The following FAM133B variants were observed in gnomAD, a reference collection of about 807,000 sequenced individuals.
The protein encoded by FAM133B is protein FAM133B.
In FAM133B, 25 loss-of-function variants were observed where a neutral mutation model predicts 46.4. That is an observed-to-expected ratio of 0.54 (90% CI 0.39 to 0.75). The LOEUF (loss-of-function observed/expected upper bound fraction) is 0.75. Among genes scored for constraint, FAM133B ranks in the 30% least tolerant of loss-of-function variants. FAM133B has a pLI of 0.00. For synonymous variants in FAM133B, 75 were observed against 86.0 expected (o/e 0.87, Z 0.71); for missense variants, 205 against 277.6 (o/e 0.74, Z 1.86).
chr7:92,575,807 C>CT lies in FAM133B; in HGVS notation c.479dup (p.Lys161GlufsTer9). 3 of 1,323,906 alleles carry CT rather than the reference C, an allele frequency of 2.3e-6. No individual in the cohort carries two copies. The highest frequency in any genetic ancestry group is 3.6e-5 in the Admixed American group (2 of 56,058). The allele number at this position is 1,323,906 out of a possible 1,614,324, so 82.0% of individuals were successfully genotyped here. On this transcript the variant is annotated frameshift_variant, in exon 8 of 11. Coordinates refer to ENST00000445716, the MANE Select transcript of FAM133B (RefSeq NM_152789.4). LOFTEE classifies it high-confidence loss of function. ...CAGTTCCATCTTTTGACTTCTTTTT[C>CT]TTTTTTAAACTATCCTAAACAAAGA...
At chr7:92,588,639 C>T (rs958978616) in intron 1 of FAM133B, among the ~76,000 whole-genome samples, 1 of 152,132 alleles carries the variant, frequency 6.6e-6, no homozygotes, top group African/African-American at 2.4e-5. Context: ...TCTGTGTCCC[C>T]GCCCAAATCT....
intron 1 of FAM133B, among the ~76,000 whole-genome samples, chr7:92,586,805 T>C (rs1795048880): frequency 6.6e-6 from 1 of 152,232 alleles, no homozygotes. Flanking sequence ...ACATCTATTT[T>C]AGAGGTCCCA....
At chr7:92,571,892 T>C (rs1794542667) in intron 8 of FAM133B, among the ~76,000 whole-genome samples, 2 of 152,218 alleles carry the variant, frequency 1.3e-5, no homozygotes, top group African/African-American at 4.8e-5. Flanking sequence ...AATAGACTTG[T>C]ATAGTTTTCT....
intron 8 of FAM133B, among the ~76,000 whole-genome samples, chr7:92,572,694 G>C (rs1278563535): frequency 8.5e-5 from 13 of 152,150 alleles, no homozygotes; most frequent in Admixed American, 8.5e-4. Flanking sequence ...ACTCCAGCCT[G>C]GGCAACAGAG....
intron 1 of FAM133B, among the ~76,000 whole-genome samples, chr7:92,583,124 A>G (rs1376464125): frequency 2.0e-5 from 3 of 152,262 alleles, no homozygotes; most frequent in Non-Finnish European, 4.4e-5. Flanking sequence ...GTATATACAT[A>G]CAATGGAATA....
intron 8 of FAM133B, among the ~76,000 whole-genome samples, chr7:92,573,163 CTT>C (rs376920507): frequency 1.9e-4 from 22 of 118,334 alleles, no homozygotes; most frequent in Admixed American, 2.6e-4. Context: ...AGTTTGGGGA[CTT>C]TTTTTTTTTT....
At chr7:92,565,028 T>A (rs546898271) in intron 10 of FAM133B, among the ~76,000 whole-genome samples, 12 of 152,340 alleles carry the variant, frequency 7.9e-5, no homozygotes, top group Admixed American at 7.8e-4. Flanking sequence ...TTTCTGTTAT[T>A]ACCAGATTTG....
Position 92,590,305 on chromosome 7 carries a change from G to A in FAM133B, c.-14C>T, listed in dbSNP as rs768950555. The A allele has an allele frequency of 2.5e-6, 4 of 1,613,804 alleles. No individual in the cohort carries two copies. Among genetic ancestry groups the A allele is most frequent in the East Asian group, 2.2e-5 (1 of 44,850 alleles). On this transcript the variant is annotated 5_prime_UTR_variant, in exon 1 of 11. Transcript: ENST00000445716. ...CCGCTTCCCCATGGTGCTGGATCGA[G>A]CGCACAGTAGCACGCCGAGGGAAAC...
At chr7:92,575,590 A>C (rs1343814099) in intron 8 of FAM133B, among the ~76,000 whole-genome samples, 181 bp downstream of exon 8, 1 of 152,252 alleles carries the variant, frequency 6.6e-6, no homozygotes, top group African/African-American at 2.4e-5. Flanking sequence ...TTGGCCTAGA[A>C]TACTCTTTTG....
intron 1 of FAM133B, among the ~76,000 whole-genome samples, chr7:92,583,811 G>A (rs957354423): frequency 6.6e-6 from 1 of 151,898 alleles, no homozygotes; most frequent in Non-Finnish European, 1.5e-5. Context: ...CACTTTGGGA[G>A]GCTGGGGCGG....
At chr7:92,589,863 G>A (rs977130825) in intron 1 of FAM133B, 2 of 199,762 alleles carry the variant, frequency 1.0e-5, no homozygotes, top group East Asian at 2.5e-4. Context: ...TGCGGACCTG[G>A]GGCGGCCGAT....
intron 1 of FAM133B, among the ~76,000 whole-genome samples, chr7:92,588,633 T>C (rs1439933343): frequency 6.6e-6 from 1 of 152,220 alleles, no homozygotes; most frequent in Admixed American, 6.5e-5. Flanking sequence ...TTTGGATCTG[T>C]GTCCCCGCCC....
At chr7:92,570,884 C>A (rs1054071153) in intron 8 of FAM133B, among the ~76,000 whole-genome samples, 4 of 152,104 alleles carry the variant, frequency 2.6e-5, no homozygotes, top group African/African-American at 9.7e-5. Flanking sequence ...AGAAATTAAA[C>A]ACCATTAAGA....
Position 92,575,798 on chromosome 7 carries a change from C to T in FAM133B, c.489G>A (p.Lys163=). The T allele has an allele frequency of 1.5e-6, 2 of 1,370,030 alleles. No individual in the cohort carries two copies. The highest frequency in any genetic ancestry group is 1.8e-4 in the Middle Eastern group (1 of 5,456). The allele number at this position is 1,370,030 out of a possible 1,614,324, so 84.9% of individuals were successfully genotyped here. Residue 163 remains lysine (K), a synonymous_variant, in exon 8 of 11, where the codon AAG becomes AAA. Coordinates refer to ENST00000445716, the MANE Select transcript of FAM133B (RefSeq NM_152789.4). ...TTTCTTTCTCAGTTCCATCTTTTGA[C>T]TTCTTTTTCTTTTTTAAACTATCCT... ...DSKDSLKKKK[K]SKDGTEKEKD... is the part of the protein sequence containing the mutation.
At chr7:92,568,775 G>C (rs1305253729) in intron 9 of FAM133B, among the ~76,000 whole-genome samples, 8 of 152,092 alleles carry the variant, frequency 5.3e-5, no homozygotes, top group African/African-American at 1.7e-4. Flanking sequence ...ACCTGGGCTA[G>C]AGTGCAGTGG....
At chr7:92,565,977 T>C in intron 10 of FAM133B, 37 bp downstream of exon 10, 4 of 1,603,978 alleles carry the variant, frequency 2.5e-6, no homozygotes, top group Non-Finnish European at 3.4e-6. Flanking sequence ...CCAAAACACC[T>C]ATTCTATTGT....
chr7:92,562,427 C>G, intron 10 of FAM133B, 59 bp from the exon 11 acceptor site: 1 of 1,500,128 alleles, frequency 6.7e-7, no homozygotes, highest in Non-Finnish European at 8.8e-7. Context: ...TTAAAAGCAT[C>G]TTTACCATGC....
At chr7:92,589,037 A>G (rs1795115204) in intron 1 of FAM133B, among the ~76,000 whole-genome samples, 1 of 152,230 alleles carries the variant, frequency 6.6e-6, no homozygotes, top group Admixed American at 6.5e-5. Flanking sequence ...TACAGATGGC[A>G]AGTGTCATCA....
chr7:92,569,773 A>T, intron 9 of FAM133B, 50 bp downstream of exon 9: 1 of 894,432 alleles, frequency 1.1e-6, no homozygotes, highest in Non-Finnish European at 1.6e-6. Flanking sequence ...TTATTAAATC[A>T]ATAACTAAGC....
Sources: gnomAD v4.1 joint callset for allele counts (sites outside exome capture counted in the v4.1 genomes callset) on GRCh38, gnomAD v4.1.1 for gene constraint, MANE v1.5 for transcripts, NCBI Gene and HGNC (gene_info 2026-07-23, HGNC 2026-07-21) for gene names.